The following CSGALNACT1 variants were observed in gnomAD, a reference collection of about 807,000 sequenced individuals.
CSGALNACT1 encodes the protein chondroitin sulfate N-acetylgalactosaminyltransferase 1, also known as beta4GalNAcT-1.
In CSGALNACT1, 52 loss-of-function variants were observed where a neutral mutation model predicts 51.0. The observed-to-expected ratio is 1.02, with a 90% confidence interval of 0.82 to 1.29. The LOEUF (loss-of-function observed/expected upper bound fraction) is 1.29, where lower values mean the gene tolerates loss of function less well. Ranked by LOEUF, CSGALNACT1 falls within the 50% of genes most tolerant of loss-of-function variation. The pLI, the probability that CSGALNACT1 is intolerant of heterozygous loss-of-function variation, is 0.00. For missense variants in CSGALNACT1, 935 were observed against 679.2 expected (o/e 1.38, Z -4.19); for synonymous variants, 341 against 254.4 (o/e 1.34, Z -3.24).
At chr8:19,476,594 T>C (rs577538416) in intron 4 of CSGALNACT1, among the ~76,000 whole-genome samples, 56 of 152,124 alleles carry the variant, frequency 3.7e-4, no homozygotes, top group Middle Eastern at 3.4e-3. Flanking sequence ...TTTGGCAATG[T>C]CCCCTCCTCT....
chr8:19,707,158 T>G (rs1282715153), intron 1 of CSGALNACT1, among the ~76,000 whole-genome samples: 2 of 152,012 alleles, frequency 1.3e-5, no homozygotes, highest in Non-Finnish European at 2.9e-5. Flanking sequence ...AAAAGTAGCA[T>G]GGGGTGTAAA....
chr8:19,570,882 A>G (rs993894722), intron 3 of CSGALNACT1, among the ~76,000 whole-genome samples: 4 of 152,238 alleles, frequency 2.6e-5, no homozygotes, highest in Admixed American at 2.0e-4. Context: ...CATAGCAGCC[A>G]GCCTGGGCAA....
rs541759333 is a variant in CSGALNACT1, at chr8:19,655,534, A to G, written c.-544+26939T>C. On this transcript the variant is annotated intron_variant, in intron 1 of 9. Coordinates refer to the CSGALNACT1 transcript ENST00000332246. Reference sequence around the variant, plus strand: ...GCCACCATTCCCCACTAATTTTTACATATACATCTATATGCACATATATAT... The same window carrying G: ...GCCACCATTCCCCACTAATTTTTACGTATACATCTATATGCACATATATAT... Among the ~76,000 whole-genome samples the G allele has an allele frequency of 1.1e-3, 49 of 45,658 alleles. 1 individual carries two copies. In the East Asian group the frequency reaches 0.023, roughly 22 times the overall value. The allele number at this position is 45,658 out of a possible 152,430, so 30.0% of individuals were successfully genotyped here.
At chr8:19,405,664 G>T in exon 10 of CSGALNACT1, 1 of 1,313,430 alleles carries the variant, frequency 7.6e-7, no homozygotes, top group Non-Finnish European at 1.1e-6. Context: ...TCTCATCTCT[G>T]ACCCATCAGT....
chr8:19,533,404 A>G lies in CSGALNACT1; in HGVS notation c.-296-27274T>C, dbSNP rs1184125052. Among the ~76,000 whole-genome samples, 9 of 152,162 alleles carry G rather than the reference A, an allele frequency of 5.9e-5. No homozygotes were observed. In the East Asian group the frequency reaches 1.5e-3, roughly 26 times the overall value. The stretch of plus-strand genomic sequence containing the variant: ...CCCAAAGCATTAGGATTACAGTCAT[A>G]AGCCATGAGTCCCTATTTTTAATTT... On this transcript the variant is annotated intron_variant, in intron 3 of 9. Coordinates refer to ENST00000454498, the Ensembl canonical transcript of CSGALNACT1.
At chr8:19,442,390 TA>T (rs1484755292) in intron 5 of CSGALNACT1, among the ~76,000 whole-genome samples, 6 of 151,884 alleles carry the variant, frequency 4.0e-5, no homozygotes, top group South Asian at 2.1e-4. Flanking sequence ...TATGCAGCCA[TA>T]AAAAAATGAA....
intron 1 of CSGALNACT1, among the ~76,000 whole-genome samples, chr8:19,701,517 T>G (rs568834243): frequency 8.5e-5 from 13 of 152,180 alleles, no homozygotes; most frequent in Non-Finnish European, 1.6e-4. Flanking sequence ...CTTCTTGTTA[T>G]GTTCTGAAAA....
At chr8:19,571,976 A>C (rs2043145960) in intron 3 of CSGALNACT1, among the ~76,000 whole-genome samples, 1 of 152,182 alleles carries the variant, frequency 6.6e-6, no homozygotes, top group Non-Finnish European at 1.5e-5. Context: ...AAGTCATTAC[A>C]TTCTTTCTGA....
chr8:19,519,112 C>A (rs1184844652), intron 3 of CSGALNACT1, among the ~76,000 whole-genome samples: 1 of 152,066 alleles, frequency 6.6e-6, no homozygotes, highest in East Asian at 1.9e-4. Flanking sequence ...TTATGGAAAG[C>A]CCAATTCATT....
intron 1 of CSGALNACT1, among the ~76,000 whole-genome samples, chr8:19,675,913 C>T (rs1422898681): frequency 1.3e-5 from 2 of 151,872 alleles, no homozygotes; most frequent in Non-Finnish European, 2.9e-5. Context: ...AAGATTCACA[C>T]CAGGGCCCAA....
intron 4 of CSGALNACT1, among the ~76,000 whole-genome samples, chr8:19,469,118 G>A (rs752371946): frequency 2.6e-4 from 39 of 152,140 alleles, no homozygotes; most frequent in Non-Finnish European, 4.3e-4. Context: ...CCCTGAGTGC[G>A]GTGGCTCATA....
intron 1 of CSGALNACT1, among the ~76,000 whole-genome samples, chr8:19,749,259 A>T (rs1485568934): frequency 1.3e-5 from 2 of 150,084 alleles, no homozygotes; most frequent in Non-Finnish European, 3.0e-5. Context: ...ATTTTAATAC[A>T]CTGTATTAGT....
chr8:19,706,228 G>C (rs1486437381), intron 1 of CSGALNACT1, among the ~76,000 whole-genome samples: 1 of 152,122 alleles, frequency 6.6e-6, no homozygotes, highest in East Asian at 1.9e-4. Context: ...ATTTAGATTA[G>C]GGAGAATTCT....
At chr8:19,419,090 C>T (rs1034439285) in intron 7 of CSGALNACT1, among the ~76,000 whole-genome samples, 1 of 152,182 alleles carries the variant, frequency 6.6e-6, no homozygotes, top group Admixed American at 6.5e-5. Context: ...AAATGATCCA[C>T]CCGCCTCGGC....
upstream of CSGALNACT1, among the ~76,000 whole-genome samples, chr8:19,685,936 TA>T (rs910248450): frequency 6.6e-6 from 1 of 152,134 alleles, no homozygotes; most frequent in Non-Finnish European, 1.5e-5. Flanking sequence ...TGATCACTTG[TA>T]AAACTTGGGT....
chr8:19,596,785 C>A (rs1474751381), intron 2 of CSGALNACT1, among the ~76,000 whole-genome samples: 2 of 152,072 alleles, frequency 1.3e-5, no homozygotes, highest in Non-Finnish European at 2.9e-5. Flanking sequence ...AAAGGATAAT[C>A]ATTATAAAAA....
At chr8:19,755,898 C>T (rs1281005322) in intron 1 of CSGALNACT1, among the ~76,000 whole-genome samples, 2 of 152,176 alleles carry the variant, frequency 1.3e-5, no homozygotes, top group Non-Finnish European at 2.9e-5. Flanking sequence ...TAAATATGTA[C>T]GGTGATCTTA....
At position 19,637,500 on chromosome 8, in the gene CSGALNACT1, C is replaced by T. The variant is rs1046745105; in HGVS notation, c.-543-35635G>A. Among the ~76,000 whole-genome samples, 14 of 152,100 alleles carry T rather than the reference C, an allele frequency of 9.2e-5. 1 individual carries two copies. In the South Asian group the frequency reaches 1.7e-3, roughly 18 times the overall value. On this transcript the variant is annotated intron_variant, in intron 1 of 9. Coordinates refer to the CSGALNACT1 transcript ENST00000332246. ...TCTGTTAGGTCTTGATTATTCCCCC[C>T]GAAGGCTGATATTTAAAATAAAAGC...
intron 4 of CSGALNACT1, among the ~76,000 whole-genome samples, chr8:19,462,056 A>C (rs2065674975): frequency 6.6e-6 from 1 of 152,230 alleles, no homozygotes; most frequent in Non-Finnish European, 1.5e-5. Flanking sequence ...GTATCTGCAC[A>C]GCGGCCACAT....
Sources: allele counts gnomAD v4.1 joint callset (sites outside exome capture counted in the v4.1 genomes callset), GRCh38; gene constraint gnomAD v4.1.1; transcripts MANE v1.5; gene names NCBI Gene and HGNC (gene_info 2026-07-23, HGNC 2026-07-21).